PTPRD: variants seen among roughly 807,000 people sequenced by gnomAD.
PTPRD encodes the protein receptor-type tyrosine-protein phosphatase delta.
PTPRD carries 34 observed loss-of-function variants against 214.5 expected under a neutral mutation model. That is an observed-to-expected ratio of 0.16 (90% confidence interval 0.12 to 0.21). The LOEUF is 0.21. Among genes scored for constraint, PTPRD ranks in the 10% least tolerant of loss-of-function variants. The pLI, the probability that PTPRD is intolerant of heterozygous loss-of-function variation, is 1.00. For synonymous variants in PTPRD, 1,128 were observed against 845.7 expected, an observed-to-expected ratio of 1.33 and a Z score of -5.79; for missense variants, 2,545 against 2,398.7, an observed-to-expected ratio of 1.06 and a Z score of -1.27.
chr9:9,284,585 G>C (rs996030252), intron 9 of PTPRD, among the ~76,000 whole-genome samples: 1 of 151,724 alleles, frequency 6.6e-6, no homozygotes, highest in Non-Finnish European at 1.5e-5. Flanking sequence ...GTCCCTCAGA[G>C]AAGTTTTTGA....
chr9:9,467,859 G>T (rs1203446148), intron 8 of PTPRD, among the ~76,000 whole-genome samples: 1 of 151,944 alleles, frequency 6.6e-6, no homozygotes, highest in Admixed American at 6.6e-5. Flanking sequence ...AATCTAATTG[G>T]TAACTATTCA....
chr9:9,659,558 T>G (rs1236718773), intron 7 of PTPRD, among the ~76,000 whole-genome samples: 1 of 151,912 alleles, frequency 6.6e-6, no homozygotes, highest in African/African-American at 2.4e-5. Context: ...CATTCCAAAG[T>G]TGAGAATTAC....
At chr9:9,915,563 C>G (rs1210997978) in intron 5 of PTPRD, among the ~76,000 whole-genome samples, 1 of 149,878 alleles carries the variant, frequency 6.7e-6, no homozygotes, top group East Asian at 2.0e-4. Context: ...AACAGAAGTA[C>G]TAAAGCTGAA....
At chr9:10,167,380 A>C (rs2099165743) in intron 3 of PTPRD, among the ~76,000 whole-genome samples, 1 of 152,128 alleles carries the variant, frequency 6.6e-6, no homozygotes, top group South Asian at 2.1e-4. Context: ...GAAATGGTAA[A>C]GTGCACATTC....
At chr9:9,559,973 C>T (rs1406814796) in intron 8 of PTPRD, among the ~76,000 whole-genome samples, 1 of 152,302 alleles carries the variant, frequency 6.6e-6, no homozygotes, top group East Asian at 1.9e-4. Flanking sequence ...GTTCAGAGAC[C>T]AGTGGATTGC....
chr9:9,348,255 T>TA (rs938252330), intron 9 of PTPRD, among the ~76,000 whole-genome samples: 3 of 152,058 alleles, frequency 2.0e-5, no homozygotes, highest in Admixed American at 1.3e-4. Flanking sequence ...TCAATTTACT[T>TA]AAAAAATCCT....
At chr9:8,925,808 G>T (rs968754834) in intron 11 of PTPRD, among the ~76,000 whole-genome samples, 3 of 149,800 alleles carry the variant, frequency 2.0e-5, no homozygotes, top group Non-Finnish European at 3.0e-5. Flanking sequence ...ATTAGTTCAA[G>T]GAGAACTTAA....
intron 44 of PTPRD, among the ~76,000 whole-genome samples, chr9:8,328,741 C>G (rs1836600604): frequency 3.3e-5 from 5 of 151,974 alleles, no homozygotes; most frequent in Admixed American, 2.6e-4. Context: ...TTACTCTTTT[C>G]TCTAATCTTG....
At chr9:8,795,522 G>C (rs747948386) in intron 11 of PTPRD, among the ~76,000 whole-genome samples, 6 of 152,116 alleles carry the variant, frequency 3.9e-5, no homozygotes, top group Non-Finnish European at 8.8e-5. Flanking sequence ...GTATGATGGA[G>C]AATTAATTTC....
At chr9:9,919,453 C>T (rs969673044) in intron 5 of PTPRD, among the ~76,000 whole-genome samples, 1 of 152,126 alleles carries the variant, frequency 6.6e-6, no homozygotes, top group Non-Finnish European at 1.5e-5. Context: ...TACCAGTGAA[C>T]TCAGTTTCCC....
intron 33 of PTPRD, among the ~76,000 whole-genome samples, chr9:8,454,811 A>AGTGTGTGT (rs3043784): frequency 6.7e-6 from 1 of 148,644 alleles, no homozygotes; most frequent in African/African-American, 2.5e-5. Context: ...CTGAATACAT[A>AGTGTGTGT]GTGTGTGTGT....
chr9:8,332,479 T>C (rs183910681), intron 43 of PTPRD, among the ~76,000 whole-genome samples: 1 of 152,070 alleles, frequency 6.6e-6, no homozygotes, highest in African/African-American at 2.4e-5. Flanking sequence ...AAAAGAGCTC[T>C]CCCTGGCTGA....
intron 5 of PTPRD, among the ~76,000 whole-genome samples, chr9:9,773,522 G>C (rs2098770666): frequency 6.6e-6 from 1 of 152,092 alleles, no homozygotes; most frequent in South Asian, 2.1e-4. Flanking sequence ...AGGTATTATA[G>C]AATATCTCAT....
intron 3 of PTPRD, among the ~76,000 whole-genome samples, chr9:10,040,766 A>C (rs1353192933): frequency 6.6e-6 from 1 of 152,088 alleles, no homozygotes; most frequent in East Asian, 1.9e-4. Context: ...TAAATGCAAA[A>C]TTAAATTGAG....
chr9:9,353,785 C>A (rs2052484913), intron 9 of PTPRD, among the ~76,000 whole-genome samples: 1 of 151,802 alleles, frequency 6.6e-6, no homozygotes, highest in African/African-American at 2.4e-5. Context: ...ACAAAGTTGG[C>A]AGCTTAAAAC....
At chr9:8,934,649 T>G (rs1326012233) in intron 11 of PTPRD, among the ~76,000 whole-genome samples, 1 of 148,762 alleles carries the variant, frequency 6.7e-6, no homozygotes, top group African/African-American at 2.5e-5. Context: ...TCTACTCTCT[T>G]ATTTCTAGTA....
chr9:9,458,279 T>A (rs1157739228), intron 8 of PTPRD, among the ~76,000 whole-genome samples: 1 of 152,074 alleles, frequency 6.6e-6, no homozygotes, highest in African/African-American at 2.4e-5. Flanking sequence ...TTTCACTTCA[T>A]ATGTTCATTA....
intron 11 of PTPRD, among the ~76,000 whole-genome samples, chr9:8,741,606 T>C (rs1371586481): frequency 7.4e-6 from 1 of 135,242 alleles, no homozygotes; most frequent in Non-Finnish European, 1.6e-5. Flanking sequence ...TTTTTTGAGA[T>C]GAAGTCTCAT....
In PTPRD at chr9:9,845,082, A is replaced by C. The variant is rs182597117; in HGVS notation, c.-367-78231T>G. 2.2e-3 allele frequency among the ~76,000 whole-genome samples: 281 copies of C among 126,160 alleles called. 11 individuals are homozygous for C. Among genetic ancestry groups the C allele is most frequent in the African/African-American group, 6.8e-3 (237 of 35,052 alleles). The allele number at this position is 126,160 out of a possible 152,430, so 82.8% of individuals were successfully genotyped here. ...GCAATATATATATATATATTGCTCT[A>C]TATATATAGCTATATATATACTGCT... On this transcript the variant is annotated intron_variant, in intron 5 of 45. Transcript: ENST00000381196.
Sources: allele counts gnomAD v4.1 joint callset (sites outside exome capture counted in the v4.1 genomes callset), GRCh38; gene constraint gnomAD v4.1.1; transcripts MANE v1.5; gene names NCBI Gene and HGNC (gene_info 2026-07-23, HGNC 2026-07-21).